CSMD1: variants seen among roughly 807,000 people sequenced by gnomAD.
The protein encoded by CSMD1 is CUB and Sushi multiple domains 1, also known as CUB and sushi domain-containing protein 1.
A neutral mutation model predicts 417.5 loss-of-function variants in CSMD1; 213 were observed. The ratio of observed to expected loss-of-function variants is 0.51; its 90% CI spans 0.46 to 0.57. The LOEUF (loss-of-function observed/expected upper bound fraction) is 0.57, where lower values mean the gene tolerates loss of function less well. Ranked by LOEUF, CSMD1 falls within the 20% of genes least tolerant of loss-of-function variation. CSMD1 has a pLI of 0.00. For synonymous variants in CSMD1, 2,862 were observed against 1,736.8 expected (o/e 1.65, Z -16.11); for missense variants, 6,923 against 4,529.7 (o/e 1.53, Z -15.17).
intron 3 of CSMD1, among the ~76,000 whole-genome samples, chr8:4,140,277 A>G (rs1803705452): frequency 6.6e-6 from 1 of 150,900 alleles, no homozygotes. Context: ...CGGGTGGATC[A>G]CTTGAGGTCA....
chr8:4,816,387 G>A (rs1421010240), intron 1 of CSMD1, among the ~76,000 whole-genome samples: 3 of 151,866 alleles, frequency 2.0e-5, no homozygotes, highest in South Asian at 2.1e-4. Flanking sequence ...GAGATGGGGG[G>A]CTGGGGGCAC....
At chr8:4,747,589 C>T (rs1811039529) in intron 1 of CSMD1, among the ~76,000 whole-genome samples, 2 of 152,176 alleles carry the variant, frequency 1.3e-5, no homozygotes, top group Non-Finnish European at 2.9e-5. Context: ...GCTAAATACA[C>T]TGAATGTTGT....
At chr8:4,468,216 G>A (rs906317551) in intron 2 of CSMD1, among the ~76,000 whole-genome samples, 5 of 152,142 alleles carry the variant, frequency 3.3e-5, no homozygotes, top group African/African-American at 7.2e-5. Flanking sequence ...CAGTGCCTGG[G>A]GCATGCCTGG....
intron 33 of CSMD1, among the ~76,000 whole-genome samples, chr8:3,193,114 C>T (rs943173216): frequency 6.6e-6 from 1 of 152,114 alleles, no homozygotes; most frequent in South Asian, 2.1e-4. Context: ...ACTTGTATAT[C>T]TGGGAGCTAT....
At chr8:4,872,462 T>G (rs1323654605) in intron 1 of CSMD1, among the ~76,000 whole-genome samples, 1 of 152,040 alleles carries the variant, frequency 6.6e-6, no homozygotes, top group Non-Finnish European at 1.5e-5. Flanking sequence ...ATTCCTCCCA[T>G]CACTCAGCAC....
intron 50 of CSMD1, chr8:3,043,645 G>A (rs1315503607): frequency 3.9e-5 from 6 of 151,986 alleles, no homozygotes; most frequent in Non-Finnish European, 7.4e-5. Flanking sequence ...CACATATTGT[G>A]ATTAGAACTT....
At chr8:4,383,273 C>T (rs1165159580) in intron 3 of CSMD1, among the ~76,000 whole-genome samples, 1 of 152,062 alleles carries the variant, frequency 6.6e-6, no homozygotes, top group Non-Finnish European at 1.5e-5. Flanking sequence ...AGTTTGTATT[C>T]CTTTCCAAGG....
intron 10 of CSMD1, among the ~76,000 whole-genome samples, chr8:3,537,819 G>C (rs1409691527): frequency 6.6e-6 from 1 of 152,118 alleles, no homozygotes; most frequent in African/African-American, 2.4e-5. Context: ...GCACAAACTT[G>C]GTCAAATGTT....
intron 18 of CSMD1, among the ~76,000 whole-genome samples, chr8:3,385,061 AATAT>A (rs1292294539): frequency 9.4e-5 from 11 of 117,002 alleles, no homozygotes; most frequent in Non-Finnish European, 1.4e-4. Flanking sequence ...TATAATATAT[AATAT>A]ATAAATATAT....
intron 3 of CSMD1, among the ~76,000 whole-genome samples, chr8:4,404,763 A>G (rs536578790): frequency 3.3e-5 from 5 of 152,080 alleles, no homozygotes; most frequent in Non-Finnish European, 2.9e-5. Flanking sequence ...CATATAAATG[A>G]AAGTTGAATA....
chr8:4,284,901 C>A (rs1477577168), intron 3 of CSMD1, among the ~76,000 whole-genome samples: 2 of 152,154 alleles, frequency 1.3e-5, no homozygotes, highest in Non-Finnish European at 2.9e-5. Context: ...CTCCTCCTTT[C>A]CTGAATTCAG....
At chr8:3,088,066 GA>G (rs1202177420) in intron 48 of CSMD1, among the ~76,000 whole-genome samples, 2 of 152,176 alleles carry the variant, frequency 1.3e-5, no homozygotes, top group African/African-American at 4.8e-5. Context: ...AATCTTTGAA[GA>G]AAATGCATTC....
At chr8:4,491,970 ACATT>A (rs1414023149) in intron 2 of CSMD1, among the ~76,000 whole-genome samples, 1 of 152,166 alleles carries the variant, frequency 6.6e-6, no homozygotes, top group Non-Finnish European at 1.5e-5. Flanking sequence ...AGTAACCAAG[ACATT>A]CATTAATAGA....
intron 1 of CSMD1, among the ~76,000 whole-genome samples, chr8:4,841,919 A>ACAAAAAAAAAAC (rs1484042951): frequency 7.1e-6 from 1 of 141,204 alleles, no homozygotes; most frequent in African/African-American, 2.7e-5. Flanking sequence ...CTCAAAAAAA[A>ACAAAAAAAAAAC]AAAAAAAAAA....
At chr8:4,778,032 G>C (rs1232980374) in intron 1 of CSMD1, among the ~76,000 whole-genome samples, 1 of 152,164 alleles carries the variant, frequency 6.6e-6, no homozygotes, top group Non-Finnish European at 1.5e-5. Context: ...CTAGATGGTA[G>C]TGGAGAGTTA....
intron 26 of CSMD1, among the ~76,000 whole-genome samples, chr8:3,238,111 G>T (rs1017977686): frequency 6.6e-6 from 1 of 151,932 alleles, no homozygotes; most frequent in Non-Finnish European, 1.5e-5. Context: ...GGAGATACGG[G>T]TGGGGCCGTT....
intron 3 of CSMD1, among the ~76,000 whole-genome samples, chr8:4,193,051 T>C (rs1168355368): frequency 2.0e-5 from 3 of 152,234 alleles, no homozygotes; most frequent in Non-Finnish European, 4.4e-5. Context: ...AATGTCATTA[T>C]GTATTTATCT....
chr8:4,429,311 C>T (rs953925768), intron 2 of CSMD1, among the ~76,000 whole-genome samples: 60 of 152,152 alleles, frequency 3.9e-4, no homozygotes, highest in Admixed American at 1.1e-3. Context: ...TGCTTCACTG[C>T]TCTTCAAGAG....
chr8:4,093,968 A>AGAT (rs1456434234), intron 3 of CSMD1, among the ~76,000 whole-genome samples: 8 of 104,314 alleles, frequency 7.7e-5, no homozygotes, highest in Admixed American at 2.7e-4. Context: ...CATCTCAAAT[A>AGAT]GATAGATAGA....
Sources: gnomAD v4.1 joint callset for allele counts (sites outside exome capture counted in the v4.1 genomes callset) on GRCh38, gnomAD v4.1.1 for gene constraint, MANE v1.5 for transcripts, NCBI Gene and HGNC (gene_info 2026-07-23, HGNC 2026-07-21) for gene names.